LRRTM4: variants seen among roughly 807,000 people sequenced by gnomAD.
LRRTM4 encodes leucine rich repeat transmembrane neuronal 4.
LRRTM4 carries 25 observed loss-of-function variants against 47.6 expected under a neutral mutation model. The ratio of observed to expected loss-of-function variants is 0.53; its 90% CI spans 0.38 to 0.73. LRRTM4 has a LOEUF of 0.73. Among genes scored for constraint, LRRTM4 ranks in the 30% least tolerant of loss-of-function variants. The pLI is 0.00. For missense variants in LRRTM4, 638 were observed against 713.4 expected (o/e 0.89, Z 1.20); for synonymous variants, 311 against 269.5 (o/e 1.15, Z -1.51).
chr2:77,432,544 C>A (rs1367421357), intron 3 of LRRTM4, among the ~76,000 whole-genome samples: 1 of 152,156 alleles, frequency 6.6e-6, no homozygotes, highest in African/African-American at 2.4e-5. Context: ...TCTGCATTGG[C>A]AAAAGCCAGT....
chr2:77,388,881 GT>G (rs1354758844), intron 3 of LRRTM4, among the ~76,000 whole-genome samples: 1 of 151,872 alleles, frequency 6.6e-6, no homozygotes, highest in Non-Finnish European at 1.5e-5. Context: ...TTACTTTAAA[GT>G]TTCATATATA....
chr2:77,423,976 T>C (rs999992443), intron 3 of LRRTM4, among the ~76,000 whole-genome samples: 2 of 152,176 alleles, frequency 1.3e-5, no homozygotes, highest in Non-Finnish European at 2.9e-5. Flanking sequence ...CATTAAGCTG[T>C]CAATTAGAAT....
At chr2:77,210,967 T>TA (rs1430067575) in intron 3 of LRRTM4, among the ~76,000 whole-genome samples, 1 of 151,946 alleles carries the variant, frequency 6.6e-6, no homozygotes, top group Non-Finnish European at 1.5e-5. Flanking sequence ...CTGGAATGTG[T>TA]AATGGATGTG....
intron 3 of LRRTM4, among the ~76,000 whole-genome samples, chr2:76,832,354 CAT>C (rs1671378009): frequency 6.6e-6 from 1 of 150,632 alleles, no homozygotes; most frequent in Non-Finnish European, 1.5e-5. Context: ...CACACAGACA[CAT>C]AAACATAAGT....
intron 3 of LRRTM4, among the ~76,000 whole-genome samples, chr2:76,907,168 T>C (rs1029677822): frequency 6.6e-6 from 1 of 151,762 alleles, no homozygotes; most frequent in Non-Finnish European, 1.5e-5. Flanking sequence ...GCAATCAAAC[T>C]AGAACTCAGG....
intron 3 of LRRTM4, among the ~76,000 whole-genome samples, chr2:76,927,130 T>A (rs1168684572): frequency 6.6e-6 from 1 of 152,076 alleles, no homozygotes; most frequent in Non-Finnish European, 1.5e-5. Context: ...TTGGTGTGGA[T>A]CTCTATAGAG....
intron 3 of LRRTM4, among the ~76,000 whole-genome samples, chr2:76,910,618 G>A (rs1260903388): frequency 6.6e-6 from 1 of 152,104 alleles, no homozygotes; most frequent in Non-Finnish European, 1.5e-5. Context: ...CAAAAATAGA[G>A]CTAGTATTAA....
At chr2:77,020,089 T>G (rs559132544) in intron 3 of LRRTM4, among the ~76,000 whole-genome samples, 81 of 152,270 alleles carry the variant, frequency 5.3e-4, no homozygotes, top group Admixed American at 1.0e-3. Context: ...GGATAGATAT[T>G]ATAAATGTGC....
At chr2:76,928,734 T>C (rs1674668920) in intron 3 of LRRTM4, among the ~76,000 whole-genome samples, 1 of 152,126 alleles carries the variant, frequency 6.6e-6, no homozygotes, top group Admixed American at 6.6e-5. Flanking sequence ...TGACTTTTAA[T>C]CAGTTCATGA....
At chr2:76,787,477 A>G (rs901805569) in intron 3 of LRRTM4, among the ~76,000 whole-genome samples, 1 of 152,132 alleles carries the variant, frequency 6.6e-6, no homozygotes, top group Non-Finnish European at 1.5e-5. Flanking sequence ...TAAGGTCAAT[A>G]CAAAATATTT....
chr2:77,511,683 G>A (rs1452942988), intron 3 of LRRTM4, among the ~76,000 whole-genome samples: 1 of 151,824 alleles, frequency 6.6e-6, no homozygotes, highest in Non-Finnish European at 1.5e-5. Context: ...TAATGTTTGT[G>A]TTCAGGGTTT....
chr2:77,120,320 G>A (rs535585427), intron 3 of LRRTM4, among the ~76,000 whole-genome samples: 1 of 151,834 alleles, frequency 6.6e-6, no homozygotes, highest in African/African-American at 2.4e-5. Context: ...CTTTGTAAAT[G>A]ATTTAGAAAA....
chr2:76,773,828 A>T (rs557544512), intron 3 of LRRTM4, among the ~76,000 whole-genome samples: 4 of 151,952 alleles, frequency 2.6e-5, no homozygotes, highest in African/African-American at 9.6e-5. Context: ...TACCATGTAG[A>T]CAAAATTACG....
At chr2:76,846,801 G>C (rs1477244041) in intron 3 of LRRTM4, among the ~76,000 whole-genome samples, 1 of 152,122 alleles carries the variant, frequency 6.6e-6, no homozygotes, top group Non-Finnish European at 1.5e-5. Context: ...GAATGGCAAG[G>C]GTGGGTTTCC....
At chr2:76,998,716 T>G (rs566361525) in intron 3 of LRRTM4, among the ~76,000 whole-genome samples, 1 of 151,240 alleles carries the variant, frequency 6.6e-6, no homozygotes, top group African/African-American at 2.4e-5. Context: ...ACAAAAACAG[T>G]CACTGTCACA....
At chr2:77,451,027 A>C (rs1217053342) in intron 3 of LRRTM4, among the ~76,000 whole-genome samples, 1 of 152,190 alleles carries the variant, frequency 6.6e-6, no homozygotes. Flanking sequence ...TGCAATAACC[A>C]AAACAGTTCA....
chr2:77,021,920 C>T (rs1470808631), intron 3 of LRRTM4, among the ~76,000 whole-genome samples: 1 of 152,140 alleles, frequency 6.6e-6, no homozygotes, highest in Non-Finnish European at 1.5e-5. Flanking sequence ...TGTATCTTAG[C>T]TCCCTAGAAT....
At position 77,168,561 on chromosome 2, in the gene LRRTM4, T is replaced by C. The variant is rs13004490; in HGVS notation, c.1551+349757A>G. Among the ~76,000 whole-genome samples the C allele has an allele frequency of 9.8e-3, 1,499 of 152,274 alleles. 19 individuals are homozygous for C. Among genetic ancestry groups the C allele is most frequent in the African/African-American group, 0.034 (1,416 of 41,560 alleles). ...GTTTTCCTTTCTTTGTGTTAGGAAA[T>C]ATATTTCAAATCTTTTAGATATTTT... On this transcript the variant is annotated intron_variant, in intron 3 of 3. Transcript: ENST00000409884.
intron 3 of LRRTM4, among the ~76,000 whole-genome samples, chr2:77,334,254 G>A (rs755424502): frequency 9.2e-5 from 14 of 152,118 alleles, no homozygotes; most frequent in Non-Finnish European, 1.9e-4. Context: ...TAAGACTTTG[G>A]AGGACTACTG....
Sources: gnomAD v4.1 joint callset for allele counts (sites outside exome capture counted in the v4.1 genomes callset) on GRCh38, gnomAD v4.1.1 for gene constraint, MANE v1.5 for transcripts, NCBI Gene and HGNC (gene_info 2026-07-23, HGNC 2026-07-21) for gene names.